The following CPEB1 variants were observed in gnomAD, a reference collection of about 807,000 sequenced individuals.
CPEB1 encodes cytoplasmic polyadenylation element-binding protein 1.
In CPEB1, 7 loss-of-function variants were observed where a neutral mutation model predicts 65.8. The observed-to-expected ratio is 0.11, with a 90% CI of 0.06 to 0.20. CPEB1 has a LOEUF of 0.20. Ranked by LOEUF, CPEB1 falls within the 10% of genes least tolerant of loss-of-function variation. CPEB1 has a pLI of 1.00. For synonymous variants in CPEB1, 262 were observed against 260.0 expected (o/e 1.01, Z -0.08); for missense variants, 551 against 712.2 (o/e 0.77, Z 2.58).
chr15:82,581,598 C>T (rs1296759177), intron 3 of CPEB1, among the ~76,000 whole-genome samples: 1 of 152,152 alleles, frequency 6.6e-6, no homozygotes, highest in Non-Finnish European at 1.5e-5. Flanking sequence ...TCTCCATATC[C>T]TTGCCGACAA....
chr15:82,645,889 A>G (rs2151404500), intron 1 of CPEB1, among the ~76,000 whole-genome samples: 1 of 151,992 alleles, frequency 6.6e-6, no homozygotes, highest in African/African-American at 2.4e-5. Flanking sequence ...ATAAATAAAT[A>G]AATATTAAAA....
At chr15:82,597,896 G>A (rs188423840) in intron 3 of CPEB1, among the ~76,000 whole-genome samples, 69 of 152,298 alleles carry the variant, frequency 4.5e-4, no homozygotes, top group Admixed American at 1.6e-3. Context: ...AACAAAATAG[G>A]AGAGCTGCTC....
chr15:82,645,501 C>CA (rs1292799046), intron 1 of CPEB1, among the ~76,000 whole-genome samples: 1 of 152,006 alleles, frequency 6.6e-6, no homozygotes, highest in Non-Finnish European at 1.5e-5. Context: ...AGTCAACTTC[C>CA]AAATCCTACT....
chr15:82,623,876 C>T (rs545209772), intron 3 of CPEB1, among the ~76,000 whole-genome samples: 1 of 152,044 alleles, frequency 6.6e-6, no homozygotes, highest in Admixed American at 6.6e-5. Flanking sequence ...CTTCTATAAA[C>T]ATTATATTTT....
chr15:82,557,437 G>C, intron 5 of CPEB1: 1 of 310,728 alleles, frequency 3.2e-6, no homozygotes, highest in East Asian at 5.4e-5. Context: ...ACCCCGTGTA[G>C]GTAAAGAAAC....
intron 4 of CPEB1, 28 bp downstream of exon 4, chr15:82,571,316 C>G: frequency 4.4e-6 from 7 of 1,597,592 alleles, no homozygotes; most frequent in Non-Finnish European, 6.0e-6. Context: ...ATCCCCTTAC[C>G]CCAGCCAACT....
chr15:82,550,635 A>G (rs1012033688), intron 9 of CPEB1, among the ~76,000 whole-genome samples: 6 of 152,220 alleles, frequency 3.9e-5, no homozygotes, highest in Admixed American at 1.3e-4. Flanking sequence ...TTTGCCCACA[A>G]AAGAGTTTGG....
intron 4 of CPEB1, among the ~76,000 whole-genome samples, chr15:82,567,489 T>C (rs1596034218): frequency 6.6e-6 from 1 of 151,676 alleles, no homozygotes; most frequent in South Asian, 2.1e-4. Flanking sequence ...AAAAAAAAAT[T>C]AGCTCGGTGT....
chr15:82,641,248 A>C (rs1342797776), intron 1 of CPEB1, among the ~76,000 whole-genome samples: 1 of 152,142 alleles, frequency 6.6e-6, no homozygotes, highest in Non-Finnish European at 1.5e-5. Context: ...AAAAACAAAA[A>C]CAAAAACAAA....
intron 3 of CPEB1, among the ~76,000 whole-genome samples, chr15:82,605,736 C>T (rs2043522666): frequency 1.3e-5 from 2 of 151,994 alleles, no homozygotes; most frequent in African/African-American, 4.8e-5. Context: ...ATAGGCACAC[C>T]ATGTATAAAC....
At chr15:82,604,671 G>T (rs952325755) in intron 3 of CPEB1, among the ~76,000 whole-genome samples, 3 of 152,106 alleles carry the variant, frequency 2.0e-5, no homozygotes, top group Non-Finnish European at 4.4e-5. Flanking sequence ...GGGCTCAACA[G>T]CAGATTTAAA....
At position 82,580,564 on chromosome 15, in the gene CPEB1, C is replaced by T. The variant is rs1191315019; in HGVS notation, c.272-9032G>A. Among the ~76,000 whole-genome samples the T allele has an allele frequency of 3.3e-5, 5 of 152,086 alleles. No individual in the cohort carries two copies. In the East Asian group the frequency reaches 7.7e-4, roughly 23 times the overall value. Reference sequence around the variant, plus strand: ...ACCACTCTAACCATTTTTGAGCATACAATTCAGAGGCATTAGTACATTCAT... The same window carrying T: ...ACCACTCTAACCATTTTTGAGCATATAATTCAGAGGCATTAGTACATTCAT... On this transcript the variant is annotated intron_variant, in intron 3 of 12. Coordinates refer to ENST00000684509, the MANE Select transcript of CPEB1 (RefSeq NM_001365242.1).
intron 3 of CPEB1, among the ~76,000 whole-genome samples, chr15:82,578,112 C>T (rs1299840662): frequency 1.3e-5 from 2 of 151,950 alleles, no homozygotes; most frequent in African/African-American, 4.8e-5. Context: ...TGCACTCCAG[C>T]CTGGGCAACA....
At chr15:82,600,975 GCTCACTGCAACCTCCA>G (rs2043065887) in intron 3 of CPEB1, among the ~76,000 whole-genome samples, 2 of 130,024 alleles carry the variant, frequency 1.5e-5, no homozygotes, top group South Asian at 2.6e-4. Flanking sequence ...CGCAACCTCC[GCTCACTGCAACCTCCA>G]CCTCCCGAGT....
intron 3 of CPEB1, among the ~76,000 whole-genome samples, chr15:82,618,845 T>C (rs2045019717): frequency 1.3e-5 from 2 of 152,240 alleles, no homozygotes; most frequent in Non-Finnish European, 1.5e-5. Context: ...ACTTCTTGAA[T>C]TGGAAGACTT....
intron 4 of CPEB1, among the ~76,000 whole-genome samples, chr15:82,569,565 C>T (rs1196251912): frequency 6.6e-6 from 1 of 152,164 alleles, no homozygotes; most frequent in African/African-American, 2.4e-5. Context: ...CAAGCACAGG[C>T]CTTTCAGGTG....
intron 3 of CPEB1, among the ~76,000 whole-genome samples, chr15:82,616,537 A>T (rs935490677): frequency 5.8e-5 from 8 of 137,610 alleles, no homozygotes; most frequent in African/African-American, 1.6e-4. Context: ...CTCTTTTTAA[A>T]TTTTTTTTTT....
chr15:82,576,801 T>G (rs920657049), intron 3 of CPEB1, among the ~76,000 whole-genome samples: 3 of 152,164 alleles, frequency 2.0e-5, no homozygotes, highest in Admixed American at 6.5e-5. Flanking sequence ...CGCAGGTGGA[T>G]AGCTTGAGCC....
chr15:82,561,345 A>T (rs1173678660), intron 4 of CPEB1, among the ~76,000 whole-genome samples: 2 of 152,232 alleles, frequency 1.3e-5, no homozygotes, highest in African/African-American at 4.8e-5. Context: ...TCTTCAGCTA[A>T]AGCAGAAAAT....
Sources: allele counts gnomAD v4.1 joint callset (sites outside exome capture counted in the v4.1 genomes callset), GRCh38; gene constraint gnomAD v4.1.1; transcripts MANE v1.5; gene names NCBI Gene and HGNC (gene_info 2026-07-23, HGNC 2026-07-21).